RP1: variants seen among roughly 807,000 people sequenced by gnomAD.
The protein encoded by RP1 is RP1 axonemal microtubule associated.
RP1 carries 16 observed loss-of-function variants against 14.8 expected under a neutral mutation model. That is an observed-to-expected ratio of 1.08 (90% confidence interval 0.73 to 1.65). The LOEUF is 1.65. RP1 is among the 40% of genes most tolerant of loss of function. RP1 has a pLI of 0.00. For missense variants in RP1, 2,631 were observed against 2,535.0 expected (o/e 1.04, Z -0.81); for synonymous variants, 876 against 883.6 (o/e 0.99, Z 0.15).
chr8:54,619,624 C>T (rs562254572), intron 1 of RP1, among the ~76,000 whole-genome samples: 1 of 152,326 alleles, frequency 6.6e-6, no homozygotes, highest in South Asian at 2.1e-4. Context: ...GAAAATTACT[C>T]TTCTTGAATT....
chr8:54,712,754 G>T (rs972685402), intron 15 of RP1, among the ~76,000 whole-genome samples: 1 of 152,142 alleles, frequency 6.6e-6, no homozygotes, highest in African/African-American at 2.4e-5. Flanking sequence ...TCAAATTTTG[G>T]TAGTGAGTCA....
At chr8:54,621,924 A>G (rs974147968) in intron 2 of RP1, among the ~76,000 whole-genome samples, 193 bp from the exon 3 acceptor site, 1 of 152,246 alleles carries the variant, frequency 6.6e-6, no homozygotes, top group Non-Finnish European at 1.5e-5. Flanking sequence ...CTGGGACGTA[A>G]CTGACTCCCC....
downstream of RP1, among the ~76,000 whole-genome samples, chr8:54,635,432 A>C (rs1201632714): frequency 2.6e-5 from 4 of 152,340 alleles, no homozygotes; most frequent in East Asian, 7.7e-4. Flanking sequence ...TGGTAGGTTC[A>C]TGGGAAAACA....
chr8:54,600,824 G>A (rs1805263730), intron 1 of RP1, among the ~76,000 whole-genome samples: 1 of 152,144 alleles, frequency 6.6e-6, no homozygotes, highest in Non-Finnish European at 1.5e-5. Flanking sequence ...TTTTAAATCT[G>A]CTCCTATCGG....
chr8:54,837,479 T>C, exon 25 of RP1: 1 of 1,231,186 alleles, frequency 8.1e-7, no homozygotes, highest in Non-Finnish European at 1.0e-6. Flanking sequence ...GTGAAATCTA[T>C]AAAATACGTA....
In RP1 at chr8:54,629,631, C is replaced by T. The variant is rs949161951; in HGVS notation, c.5749C>T (p.His1917Tyr). Residue 1917 changes from histidine (H) to tyrosine (Y), a missense_variant, in exon 4 of 4, where the codon CAT becomes TAT. By Grantham distance (83) the His-to-Tyr change is moderately conservative (BLOSUM62 2). Transcript: ENST00000220676. ...TAAACTGTATGCTCTTTGTGGTCAA[C>T]ATTGCCCAATACTAACTGTTATTAT... ...LDKLYALCGQ[H>Y]CPILTVIIQP... 6.2e-7 allele frequency: 1 copy of T among 1,613,918 alleles called. No homozygotes were observed. Among genetic ancestry groups the T allele is most frequent in the Non-Finnish European group, 8.5e-7 (1 of 1,180,000 alleles).
At chr8:54,621,613 C>G (rs539171166) in intron 2 of RP1, 32 bp downstream of exon 2, 3 of 1,613,550 alleles carry the variant, frequency 1.9e-6, no homozygotes, top group Non-Finnish European at 1.7e-6. Flanking sequence ...CGAGCCTGAG[C>G]TCATTTTGAG....
intron 1 of RP1, among the ~76,000 whole-genome samples, chr8:54,586,487 A>G (rs948647157): frequency 6.6e-6 from 1 of 152,190 alleles, no homozygotes; most frequent in Non-Finnish European, 1.5e-5. Context: ...TCAGATCTCC[A>G]GTTGTGTGCT....
intron 22 of RP1, among the ~76,000 whole-genome samples, chr8:54,765,188 C>T (rs1407978794): frequency 6.6e-6 from 1 of 152,246 alleles, no homozygotes; most frequent in Non-Finnish European, 1.5e-5. Flanking sequence ...ATTCACAAAG[C>T]ATTGTCCTTG....
intron 22 of RP1, among the ~76,000 whole-genome samples, chr8:54,765,445 T>G (rs1352749997): frequency 6.6e-6 from 1 of 152,224 alleles, no homozygotes; most frequent in Non-Finnish European, 1.5e-5. Context: ...GGCAGCCCTG[T>G]TTGAACAGCA....
intron 1 of RP1, among the ~76,000 whole-genome samples, chr8:54,575,697 T>C (rs1341626825): frequency 6.6e-6 from 1 of 152,200 alleles, no homozygotes. Flanking sequence ...TAGGTAAACT[T>C]GTGTCATGGA....
At chr8:54,815,009 A>C (rs190811984) in intron 24 of RP1, among the ~76,000 whole-genome samples, 3 of 152,380 alleles carry the variant, frequency 2.0e-5, no homozygotes, top group Non-Finnish European at 4.4e-5. Flanking sequence ...ACTCCGTCTC[A>C]AAAAACTAAT....
intron 4 of RP1, among the ~76,000 whole-genome samples, chr8:54,651,302 A>G (rs1207781497): frequency 6.6e-6 from 1 of 152,152 alleles, no homozygotes; most frequent in African/African-American, 2.4e-5. Flanking sequence ...TTGCAGAATG[A>G]GTTAAAAAGT....
At chr8:54,771,872 G>A (rs932766553), downstream of RP1, among the ~76,000 whole-genome samples, 22 of 151,992 alleles carry the variant, frequency 1.4e-4, no homozygotes, top group African/African-American at 5.3e-4. Flanking sequence ...TAAGAATGTT[G>A]AAAAGCAAAC....
At chr8:54,586,611 C>T (rs990109757) in intron 1 of RP1, among the ~76,000 whole-genome samples, 3 of 151,756 alleles carry the variant, frequency 2.0e-5, no homozygotes, top group African/African-American at 7.3e-5. Context: ...TCTACAGAGG[C>T]AGGCAGGCCT....
chr8:54,796,109 T>C (rs1474493785), intron 24 of RP1, among the ~76,000 whole-genome samples: 3 of 152,204 alleles, frequency 2.0e-5, no homozygotes, highest in African/African-American at 7.2e-5. Flanking sequence ...AGTGCAGTGA[T>C]AGGTGTGAGT....
intron 12 of RP1, among the ~76,000 whole-genome samples, chr8:54,695,498 A>C (rs979927680): frequency 6.6e-6 from 1 of 152,008 alleles, no homozygotes; most frequent in Non-Finnish European, 1.5e-5. Flanking sequence ...ATAAGATAAT[A>C]CCTTTATAGT....
At chr8:54,579,108 A>C (rs1304194169) in intron 1 of RP1, among the ~76,000 whole-genome samples, 1 of 152,216 alleles carries the variant, frequency 6.6e-6, no homozygotes, top group Non-Finnish European at 1.5e-5. Context: ...AAAGTTTCAA[A>C]AGCTGCGCTG....
chr8:54,721,060 T>G lies in RP1; in HGVS notation c.2389+754T>G, dbSNP rs572129815. ...GCTTCTATTGGCTTATGAGAGTACA[T>G]GTTTACTGTATGTGTATATATAATA... is the stretch of plus-strand genomic sequence containing the variant. On this transcript the variant is annotated intron_variant, in intron 16 of 22. Coordinates refer to the RP1 transcript ENST00000636932. Among the ~76,000 whole-genome samples the G allele has an allele frequency of 5.3e-5, 8 of 152,338 alleles. No individual in the cohort carries two copies. The Middle Eastern group carries it at 0.01, about 194-fold the overall frequency.
Sources: allele counts gnomAD v4.1 joint callset (sites outside exome capture counted in the v4.1 genomes callset), GRCh38; gene constraint gnomAD v4.1.1; transcripts MANE v1.5; gene names NCBI Gene and HGNC (gene_info 2026-07-23, HGNC 2026-07-21).